CRELD1: variants seen among roughly 807,000 people sequenced by gnomAD.
CRELD1 encodes the protein CRELD disulfide isomerase 1, also known as protein disulfide isomerase CRELD1.
In CRELD1, 42 loss-of-function variants were observed where a neutral mutation model predicts 58.2. The ratio of observed to expected loss-of-function variants is 0.72; its 90% confidence interval spans 0.56 to 0.93. The LOEUF (loss-of-function observed/expected upper bound fraction) is 0.93. Among genes scored for constraint, CRELD1 ranks in the 40% least tolerant of loss-of-function variants. The pLI, the probability that CRELD1 is intolerant of heterozygous loss-of-function variation, is 0.00. For synonymous variants in CRELD1, 222 were observed against 202.0 expected, an observed-to-expected ratio of 1.10 and a Z score of -0.84; for missense variants, 500 against 540.6, an observed-to-expected ratio of 0.92 and a Z score of 0.74.
Position 9,941,121 on chromosome 3 carries a change from C to A in CRELD1, c.648C>A (p.Gly216=). The change falls in exon 7 of 11, where the codon GGC becomes GGA. Residue 216 remains glycine, a synonymous_variant. Coordinates refer to ENST00000452070, the MANE Select transcript of CRELD1 (RefSeq NM_001077415.3). Reference sequence around the variant, plus strand: ...CCCCATTCCACCCAGCTTGTTTTGGCCCCTGTGCCCGATGCTCAGGACCTG... The same window carrying A: ...CCCCATTCCACCCAGCTTGTTTTGGACCCTGTGCCCGATGCTCAGGACCTG... ...ASHLVCSACF[G]PCARCSGPEE... is the part of the protein sequence containing the mutation. 1 of 1,614,218 alleles carries A rather than the reference C, an allele frequency of 6.2e-7. No individual in the cohort carries two copies. The highest frequency in any genetic ancestry group is 8.5e-7 in the Non-Finnish European group (1 of 1,180,038).
chr3:9,944,012 A>G, intron 10 of CRELD1: 1 of 934,112 alleles, frequency 1.1e-6, no homozygotes, highest in Non-Finnish European at 1.8e-6. Context: ...AGATGAAGCT[A>G]CTTTCCCAGG....
At chr3:9,936,113 C>T (rs1245193171) in intron 3 of CRELD1, 2 of 152,206 alleles carry the variant, frequency 1.3e-5, no homozygotes, top group Non-Finnish European at 2.9e-5. Flanking sequence ...AGAGTTAGAC[C>T]TGGTTGTCGG....
In CRELD1 at chr3:9,934,993, ACT is replaced by A. The variant is rs1319097071; in HGVS notation, c.257+79_257+80del. Reference sequence around the variant, plus strand: ...CTGCTCTGCTGGTGTAGGGCTAGGAACTCTTGGGGAGCACTTATTCATTCAAC... The same window carrying A: ...CTGCTCTGCTGGTGTAGGGCTAGGAACTTGGGGAGCACTTATTCATTCAAC... On this transcript the variant is annotated intron_variant, in intron 3 of 10. Transcript: ENST00000452070. 3 of 1,228,466 alleles carry A rather than the reference ACT, an allele frequency of 2.4e-6. No homozygotes were observed. The East Asian group carries it at 7.6e-5, about 31-fold the overall frequency. The allele number at this position is 1,228,466 out of a possible 1,614,324, so 76.1% of individuals were successfully genotyped here.
In CRELD1 at chr3:9,943,774, G is replaced by T. The variant is rs556699417; in HGVS notation, c.1048+259G>T. The stretch of plus-strand genomic sequence containing the variant: ...TAACCTGTTTCCTCATCTATCCAAT[G>T]GGACCAGTGTTTGCCCTGGCCTGCT... On this transcript the variant is annotated intron_variant, in intron 10 of 10. Coordinates refer to ENST00000452070, the MANE Select transcript of CRELD1 (RefSeq NM_001077415.3). The T allele has an allele frequency of 1.7e-3, 2,798 of 1,603,862 alleles. 48 individuals carry two copies. In the African/African-American group the frequency reaches 0.03, roughly 17 times the overall value.
chr3:9,941,738 C>T (rs1297078589), intron 7 of CRELD1, among the ~76,000 whole-genome samples: 3 of 137,136 alleles, frequency 2.2e-5, no homozygotes, highest in African/African-American at 2.8e-5. Flanking sequence ...TGCAGTGAGC[C>T]GAGATCGCAC....
At chr3:9,941,272 C>A in intron 7 of CRELD1, 66 bp downstream of exon 7, 1 of 1,408,674 alleles carries the variant, frequency 7.1e-7, no homozygotes, top group Non-Finnish European at 9.9e-7. Flanking sequence ...TTTATTCTCT[C>A]AACACAAGCC....
In CRELD1 at chr3:9,934,558, G is replaced by C. The variant is rs766545476; in HGVS notation, c.120G>C (p.Pro40=). 2.2e-5 allele frequency: 36 copies of C among 1,613,902 alleles called. No homozygotes were observed. In the East Asian group the frequency reaches 8.0e-4, roughly 36 times the overall value. ...QPSPPPQSSP[P]PQPHPCHTCR... ...CTCCACCTCCCCAGTCTTCTCCCCC[G>C]CCTCAGCCCCATCCGTGTCATACCT... The change falls in exon 2 of 11, where the codon CCG becomes CCC. Residue 40 remains proline (P), a synonymous_variant. Coordinates refer to ENST00000452070, the MANE Select transcript of CRELD1 (RefSeq NM_001077415.3).
intron 3 of CRELD1, 52 bp downstream of exon 3, chr3:9,934,969 T>C (rs377477962): frequency 2.3e-5 from 34 of 1,453,292 alleles, no homozygotes; most frequent in Non-Finnish European, 3.2e-5. Flanking sequence ...GCCAAATCTC[T>C]GCTCTGCTGG....
chr3:9,934,344 C>T, intron 1 of CRELD1, 76 bp from the exon 2 acceptor site: 1 of 1,214,610 alleles, frequency 8.2e-7, no homozygotes, highest in African/African-American at 1.5e-5. Context: ...GCCACGGCAC[C>T]TTAGAACAGA....
At chr3:9,939,796 A>G (rs2085297049) in intron 5 of CRELD1, among the ~76,000 whole-genome samples, 1 of 152,008 alleles carries the variant, frequency 6.6e-6, no homozygotes, top group Non-Finnish European at 1.5e-5. Flanking sequence ...CCCCTTTTCT[A>G]TTCCACAAAA....
At chr3:9,934,709 C>T (rs1245984541) in intron 2 of CRELD1, 97 bp downstream of exon 2, 10 of 1,524,166 alleles carry the variant, frequency 6.6e-6, no homozygotes, top group Middle Eastern at 1.7e-4. Flanking sequence ...TCATCTTGGT[C>T]TCTTACTAGT....
intron 5 of CRELD1, among the ~76,000 whole-genome samples, chr3:9,940,348 A>G (rs2124845316): frequency 6.6e-6 from 1 of 152,168 alleles, no homozygotes; most frequent in East Asian, 1.9e-4. Context: ...GCGAGCCGAG[A>G]TCACGCCACT....
intron 3 of CRELD1, among the ~76,000 whole-genome samples, chr3:9,935,541 G>A (rs972881008): frequency 6.6e-6 from 1 of 152,146 alleles, no homozygotes; most frequent in Middle Eastern, 3.2e-3. Context: ...CAGTTTGGGA[G>A]GCAAGTGCAT....
Position 9,944,556 on chromosome 3 carries a change from G to C in CRELD1, c.1240G>C (p.Glu414Gln), listed in dbSNP as rs121912627. 1.2e-6 allele frequency: 2 copies of C among 1,609,298 alleles called. No homozygotes were observed. The highest frequency in any genetic ancestry group is 8.5e-7 in the Non-Finnish European group (1 of 1,179,874). Residue 414 changes from glutamate to glutamine, a missense_variant, in exon 11 of 11, where the codon GAG becomes CAG. Coordinates refer to ENST00000452070, the MANE Select transcript of CRELD1 (RefSeq NM_001077415.3). The part of the protein sequence containing the change: ...WLSERSDRVL[E>Q]GFIKGR ...GTCAGAGCGCAGTGACCGTGTGCTG[G>C]AGGGCTTCATCAAGGGCAGATAATC...
intron 3 of CRELD1, among the ~76,000 whole-genome samples, chr3:9,935,485 G>A (rs1035002795): frequency 6.6e-6 from 1 of 152,332 alleles, no homozygotes; most frequent in South Asian, 2.1e-4. Flanking sequence ...ACACTGCTAT[G>A]TAGCAAACGG....
intron 3 of CRELD1, 111 bp from the exon 4 acceptor site, chr3:9,937,451 A>C: frequency 1.3e-6 from 1 of 758,202 alleles, no homozygotes. Context: ...ATTATACCTC[A>C]TGGCCTCTCC....
intron 3 of CRELD1, among the ~76,000 whole-genome samples, chr3:9,936,451 TTATATATGTGTGTA>T (rs1021059492): frequency 5.9e-5 from 9 of 151,880 alleles, no homozygotes; most frequent in Admixed American, 5.3e-4. Flanking sequence ...CATCAAATAT[TTATATATGTGTGTA>T]TATATATGTG....
chr3:9,937,861 C>T (rs940386212), intron 4 of CRELD1, among the ~76,000 whole-genome samples, 154 bp from the exon 5 acceptor site: 1 of 152,146 alleles, frequency 6.6e-6, no homozygotes, highest in African/African-American at 2.4e-5. Flanking sequence ...TACCCTTCTG[C>T]CAAATGGGGA....
Position 9,941,218 on chromosome 3 carries a change from C to G in CRELD1, c.733+12C>G, listed in dbSNP as rs768143117. On this transcript the variant is annotated intron_variant, in intron 7 of 10. Coordinates refer to ENST00000452070, the MANE Select transcript of CRELD1 (RefSeq NM_001077415.3). ...CCTCAAGTGTGTAGGTAAGTGGGGC[C>G]CTAGCTAGGTCTGGGAAGATGGTCA... The G allele has an allele frequency of 1.9e-6, 3 of 1,609,406 alleles. No individual in the cohort carries two copies. The East Asian group carries it at 6.7e-5, about 36-fold the overall frequency.
Sources: allele counts gnomAD v4.1 joint callset (sites outside exome capture counted in the v4.1 genomes callset), GRCh38; gene constraint gnomAD v4.1.1; transcripts MANE v1.5; gene names NCBI Gene and HGNC (gene_info 2026-07-23, HGNC 2026-07-21).